The following TBL1XR1 variants were observed in gnomAD, a reference collection of about 807,000 sequenced individuals.
TBL1XR1 encodes the protein F-box-like/WD repeat-containing protein TBL1XR1.
Under a neutral mutation model 66.9 loss-of-function variants are expected in TBL1XR1, and 5 were observed. The observed-to-expected ratio is 0.07, with a 90% CI of 0.04 to 0.16. TBL1XR1 has a LOEUF of 0.16. TBL1XR1 is among the 10% of genes least tolerant of loss of function. The pLI is 1.00. For missense variants in TBL1XR1, 238 were observed against 623.2 expected, an observed-to-expected ratio of 0.38 and a Z score of 6.58; for synonymous variants, 210 against 206.0, an observed-to-expected ratio of 1.02 and a Z score of -0.17.
chr3:177,070,421 G>C (rs956693121), intron 2 of TBL1XR1, among the ~76,000 whole-genome samples: 11 of 152,176 alleles, frequency 7.2e-5, no homozygotes, highest in Non-Finnish European at 1.6e-4. Context: ...AGAAGGACAA[G>C]AAATGAAAAT....
At chr3:177,194,479 A>C (rs756422205) in intron 1 of TBL1XR1, among the ~76,000 whole-genome samples, 31 of 152,142 alleles carry the variant, frequency 2.0e-4, no homozygotes, top group Middle Eastern at 6.8e-3. Flanking sequence ...AAATTGAACA[A>C]ACCCAACAAA....
intron 1 of TBL1XR1, among the ~76,000 whole-genome samples, chr3:177,115,166 C>T (rs1334970338): frequency 2.6e-5 from 4 of 152,080 alleles, no homozygotes; most frequent in Non-Finnish European, 5.9e-5. Context: ...AGTAAGTACA[C>T]TTTTTAACCA....
chr3:177,170,955 G>A (rs1386206516), intron 1 of TBL1XR1, among the ~76,000 whole-genome samples: 1 of 152,084 alleles, frequency 6.6e-6, no homozygotes, highest in African/African-American at 2.4e-5. Flanking sequence ...CTGGCATGTA[G>A]CAAACACCTT....
intron 2 of TBL1XR1, among the ~76,000 whole-genome samples, chr3:177,072,405 A>C (rs1439530569): frequency 6.6e-6 from 1 of 151,922 alleles, no homozygotes; most frequent in Non-Finnish European, 1.5e-5. Context: ...CTCACACCTT[A>C]GTATTACGAA....
intron 14 of TBL1XR1, among the ~76,000 whole-genome samples, chr3:177,028,879 T>G (rs1404709183): frequency 6.6e-6 from 1 of 152,012 alleles, no homozygotes; most frequent in Non-Finnish European, 1.5e-5. Flanking sequence ...GAGAAGGTAA[T>G]AAACAAACTG....
At chr3:177,168,385 GATTC>G (rs534733500) in intron 1 of TBL1XR1, among the ~76,000 whole-genome samples, 43 of 151,738 alleles carry the variant, frequency 2.8e-4, no homozygotes, top group African/African-American at 9.7e-4. Context: ...GCATTCAAGC[GATTC>G]TCCTGCCTCA....
At chr3:177,121,868 T>C (rs7638794) in intron 1 of TBL1XR1, among the ~76,000 whole-genome samples, 50,007 of 151,676 alleles carry the variant, frequency 0.33, 9,482 homozygotes, top group Middle Eastern at 0.44. Context: ...AAAAAATCCA[T>C]GAAACTTCCA....
intron 10 of TBL1XR1, chr3:177,044,934 C>A (rs1310754785): frequency 6.6e-6 from 1 of 151,886 alleles, no homozygotes; most frequent in Non-Finnish European, 1.5e-5. Flanking sequence ...AGCCAAGAAG[C>A]CTGAGAGAAT....
chr3:177,178,914 T>A (rs1015969328), intron 1 of TBL1XR1, among the ~76,000 whole-genome samples: 1 of 151,990 alleles, frequency 6.6e-6, no homozygotes, highest in Non-Finnish European at 1.5e-5. Flanking sequence ...GATCAGGAGA[T>A]CGAGACCATC....
intron 1 of TBL1XR1, among the ~76,000 whole-genome samples, chr3:177,143,582 C>T (rs561520141): frequency 1.8e-3 from 276 of 152,244 alleles, no homozygotes; most frequent in African/African-American, 6.6e-3. Context: ...GTGAAAAGCA[C>T]CTGGCTCAGT....
chr3:177,162,265 A>C (rs1424434372), intron 1 of TBL1XR1, among the ~76,000 whole-genome samples: 1 of 152,208 alleles, frequency 6.6e-6, no homozygotes, highest in Non-Finnish European at 1.5e-5. Flanking sequence ...TGATACAATA[A>C]ATGATGAAGC....
At chr3:177,036,913 A>G (rs749928109) in intron 12 of TBL1XR1, among the ~76,000 whole-genome samples, 1 of 152,224 alleles carries the variant, frequency 6.6e-6, no homozygotes, top group African/African-American at 2.4e-5. Context: ...CTGTTGCAGG[A>G]GAGGGCTCAA....
At chr3:177,118,497 G>A (rs1726580082) in intron 1 of TBL1XR1, among the ~76,000 whole-genome samples, 1 of 151,964 alleles carries the variant, frequency 6.6e-6, no homozygotes, top group Non-Finnish European at 1.5e-5. Flanking sequence ...CCCTTTCACT[G>A]ATCAAAACAA....
intron 2 of TBL1XR1, among the ~76,000 whole-genome samples, chr3:177,093,298 C>T (rs575502670): frequency 2.0e-5 from 3 of 152,192 alleles, no homozygotes; most frequent in African/African-American, 7.2e-5. Flanking sequence ...AGGAAAACTA[C>T]AAAACACTGC....
intron 2 of TBL1XR1, among the ~76,000 whole-genome samples, chr3:177,091,930 A>G (rs1478206342): frequency 2.0e-5 from 3 of 152,192 alleles, no homozygotes; most frequent in Non-Finnish European, 4.4e-5. Context: ...GAACATTCTC[A>G]TTGCCCTCAT....
chr3:177,044,702 TAAGA>T (rs1174951494), intron 10 of TBL1XR1, among the ~76,000 whole-genome samples: 1 of 152,166 alleles, frequency 6.6e-6, no homozygotes, highest in Non-Finnish European at 1.5e-5. Flanking sequence ...AAAAGTATGG[TAAGA>T]AAGAATACGA....
intron 1 of TBL1XR1, among the ~76,000 whole-genome samples, chr3:177,194,426 C>T (rs918624753): frequency 3.3e-5 from 5 of 152,190 alleles, no homozygotes; most frequent in Admixed American, 1.3e-4. Flanking sequence ...TGACTTCCTA[C>T]CATTCACATT....
At chr3:177,154,111 AAAC>A (rs1344476254) in intron 1 of TBL1XR1, among the ~76,000 whole-genome samples, 1 of 147,422 alleles carries the variant, frequency 6.8e-6, no homozygotes, top group African/African-American at 2.7e-5. Context: ...CTGAATTTAA[AAAC>A]AAACAAAAAT....
chr3:177,103,746 T>C (rs1724521775), intron 1 of TBL1XR1, among the ~76,000 whole-genome samples: 2 of 152,202 alleles, frequency 1.3e-5, no homozygotes, highest in African/African-American at 4.8e-5. Flanking sequence ...ATCTAGAACC[T>C]AGTGGTCAGT....
Sources: allele counts gnomAD v4.1 joint callset (sites outside exome capture counted in the v4.1 genomes callset), GRCh38; gene constraint gnomAD v4.1.1; transcripts MANE v1.5; gene names NCBI Gene and HGNC (gene_info 2026-07-23, HGNC 2026-07-21).